The following ARID4A variants were observed in gnomAD, a reference collection of about 807,000 sequenced individuals.
The protein encoded by ARID4A is AT-rich interaction domain 4A.
ARID4A carries 39 observed loss-of-function variants against 148.6 expected under a neutral mutation model. The observed-to-expected ratio is 0.26, with a 90% CI of 0.20 to 0.34. The LOEUF is 0.34. Ranked by LOEUF, ARID4A falls within the 10% of genes least tolerant of loss-of-function variation. ARID4A has a pLI of 1.00. For synonymous variants in ARID4A, 475 were observed against 481.2 expected (o/e 0.99, Z 0.17); for missense variants, 1,265 against 1,449.1 (o/e 0.87, Z 2.06).
At chr14:58,340,703 T>C (rs2034074962) in intron 11 of ARID4A, among the ~76,000 whole-genome samples, 1 of 152,100 alleles carries the variant, frequency 6.6e-6, no homozygotes, top group African/African-American at 2.4e-5. Context: ...CAGGCTGGTC[T>C]CGAACTCCTG....
At chr14:58,316,860 G>A (rs1053873607) in intron 5 of ARID4A, among the ~76,000 whole-genome samples, 1 of 151,864 alleles carries the variant, frequency 6.6e-6, no homozygotes, top group Admixed American at 6.6e-5. Flanking sequence ...GATTACAGGC[G>A]GGAGTCACCG....
intron 5 of ARID4A, among the ~76,000 whole-genome samples, chr14:58,317,545 CT>C (rs1327668781): frequency 6.6e-6 from 1 of 151,324 alleles, no homozygotes. Context: ...CCCACCTCGC[CT>C]CCCAAAGTGC....
chr14:58,343,137 A>G (rs903006140), intron 11 of ARID4A, among the ~76,000 whole-genome samples: 5 of 152,208 alleles, frequency 3.3e-5, no homozygotes, highest in Admixed American at 6.5e-5. Context: ...TAAAAGCAAG[A>G]TTTTTAAATT....
intron 12 of ARID4A, among the ~76,000 whole-genome samples, chr14:58,345,546 G>T (rs984720083): frequency 8.6e-5 from 13 of 151,904 alleles, no homozygotes; most frequent in Admixed American, 8.5e-4. Context: ...CATACTCCTT[G>T]CCATTTGTTA....
Position 58,330,182 on chromosome 14 carries a change from T to G in ARID4A, c.906+13T>G. On this transcript the variant is annotated intron_variant, in intron 11 of 23. Coordinates refer to ENST00000355431, the MANE Select transcript of ARID4A (RefSeq NM_002892.4). Reference sequence around the variant, plus strand: ...AGAAGAAGAGGTGGTAGGTGTAATTTCATGTTTGTAACAAAAACATCTTAA... The same window carrying G: ...AGAAGAAGAGGTGGTAGGTGTAATTGCATGTTTGTAACAAAAACATCTTAA... 1 of 1,603,046 alleles carries G rather than the reference T, an allele frequency of 6.2e-7. No individual in the cohort carries two copies. The highest frequency in any genetic ancestry group is 8.5e-7 in the Non-Finnish European group (1 of 1,177,464).
chr14:58,351,472 T>C (rs2034635902), intron 16 of ARID4A, 149 bp downstream of exon 16: 1 of 1,039,116 alleles, frequency 9.6e-7, no homozygotes, highest in Non-Finnish European at 1.4e-6. Context: ...ATTGTGAAGA[T>C]GATGTGTATT....
chr14:58,303,399 G>C (rs991167092), intron 3 of ARID4A: 7 of 389,164 alleles, frequency 1.8e-5, no homozygotes, highest in African/African-American at 1.4e-4. Context: ...AGTCCTCCTT[G>C]ATACGACTCC....
At position 58,351,135 on chromosome 14, in the gene ARID4A, A is replaced by G; in HGVS notation, c.1467A>G (p.Thr489=). ...AAAAGGAAATTGAAGAAGAGAAAACAGAAGACAAATTAAAAGATAATGATA... is the reference window on the plus strand; with the variant it reads ...AAAAGGAAATTGAAGAAGAGAAAACGGAAGACAAATTAAAAGATAATGATA... ...SIKKEIEEEK[T]EDKLKDNDTE... Residue 489 remains threonine (T), a synonymous_variant, in exon 16 of 24, where the codon ACA becomes ACG. Transcript: ENST00000355431. 1 of 1,607,436 alleles carries G rather than the reference A, an allele frequency of 6.2e-7. No homozygotes were observed. Among genetic ancestry groups the G allele is most frequent in the South Asian group, 1.1e-5 (1 of 88,800 alleles).
rs1594959403 is a variant in ARID4A, at chr14:58,360,939, G to A, written c.1977G>A (p.Glu659=). 1.9e-6 allele frequency: 3 copies of A among 1,614,126 alleles called. No homozygotes were observed. The highest frequency in any genetic ancestry group is 1.7e-4 in the Middle Eastern group (1 of 6,060). Reference sequence around the variant, plus strand: ...GTGAAAAGGACGAAAAGAGAGATGAGGAGAGGCAGAAGTCAAAACGGGGAC... The same window carrying A: ...GTGAAAAGGACGAAAAGAGAGATGAAGAGAGGCAGAAGTCAAAACGGGGAC... The part of the protein sequence containing the change: ...EDSEKDEKRD[E]ERQKSKRGRP... The change falls in exon 19 of 24, where the codon GAG becomes GAA. Residue 659 remains glutamate (E), a synonymous_variant. Transcript: ENST00000355431.
At chr14:58,365,488 T>TTTTAAAAA in intron 20 of ARID4A, 30 bp from the exon 21 acceptor site, 4 of 1,135,262 alleles carry the variant, frequency 3.5e-6, no homozygotes, top group Non-Finnish European at 4.9e-6. Context: ...TTTTTTTTTT[T>TTTTAAAAA]TCAACATTCT....
chr14:58,317,860 A>G (rs2032573569), intron 5 of ARID4A, among the ~76,000 whole-genome samples: 1 of 151,910 alleles, frequency 6.6e-6, no homozygotes, highest in Non-Finnish European at 1.5e-5. Flanking sequence ...TCAGCTGGGT[A>G]CAGTGGTTGA....
chr14:58,357,583 A>G (rs2034937149), intron 17 of ARID4A, among the ~76,000 whole-genome samples: 1 of 151,488 alleles, frequency 6.6e-6, no homozygotes, highest in Admixed American at 6.6e-5. Flanking sequence ...AAACTTTCTT[A>G]AAACATGAGT....
At chr14:58,307,140 G>T (rs1049791712) in intron 5 of ARID4A, among the ~76,000 whole-genome samples, 1 of 152,174 alleles carries the variant, frequency 6.6e-6, no homozygotes, top group African/African-American at 2.4e-5. Flanking sequence ...CAATCCTGTG[G>T]ATAACATCCA....
At chr14:58,365,995 T>G (rs1566727149) in intron 21 of ARID4A, 29 bp from the exon 22 acceptor site, 1 of 1,532,090 alleles carries the variant, frequency 6.5e-7, no homozygotes, top group Non-Finnish European at 8.9e-7. Context: ...TTATTTATAA[T>G]CTGAGTCAAT....
chr14:58,341,716 A>T (rs768399219), intron 11 of ARID4A, among the ~76,000 whole-genome samples: 2 of 152,236 alleles, frequency 1.3e-5, no homozygotes, highest in African/African-American at 2.4e-5. Flanking sequence ...TTCACAATCT[A>T]GTAGTGTAGA....
At chr14:58,354,988 A>T (rs1299799769) in intron 17 of ARID4A, among the ~76,000 whole-genome samples, 1 of 152,146 alleles carries the variant, frequency 6.6e-6, no homozygotes, top group Non-Finnish European at 1.5e-5. Context: ...TCTGATGTTG[A>T]TGCTCTTTGA....
At chr14:58,337,972 A>G (rs1342695930) in intron 11 of ARID4A, among the ~76,000 whole-genome samples, 1 of 152,064 alleles carries the variant, frequency 6.6e-6, no homozygotes, top group Admixed American at 6.6e-5. Context: ...CCCTTCCATT[A>G]TTCTTCCATG....
In ARID4A at chr14:58,364,703, G is replaced by C; in HGVS notation, c.2614G>C (p.Glu872Gln). The C allele has an allele frequency of 6.2e-7, 1 of 1,613,868 alleles. No individual in the cohort carries two copies. Among genetic ancestry groups the C allele is most frequent in the Non-Finnish European group, 8.5e-7 (1 of 1,179,932 alleles). The change falls in exon 20 of 24, where the codon GAG becomes CAG. Residue 872 changes from glutamate to glutamine, a missense_variant. Glu to Gln is a conservative substitution (Grantham distance 29). This residue lies in a region of ARID4A where 666 missense variants were observed against 730.9 expected (regional missense o/e 0.91). Transcript: ENST00000355431. ...ATCGCCAGAGAAAAAAATAAGAATT[G>C]AGAATGGAATGGAAATGACAAATAC... ...QSSPEKKIRI[E>Q]NGMEMTNTVS...
intron 11 of ARID4A, among the ~76,000 whole-genome samples, chr14:58,332,003 C>A (rs1036934959): frequency 6.8e-6 from 1 of 147,092 alleles, no homozygotes; most frequent in African/African-American, 2.5e-5. Flanking sequence ...CTACCCCCCC[C>A]CCCCCAAAAA....
Sources: allele counts gnomAD v4.1 joint callset (sites outside exome capture counted in the v4.1 genomes callset), GRCh38; gene constraint gnomAD v4.1.1; regional missense constraint gnomAD v4.1.1; transcripts MANE v1.5; gene names NCBI Gene and HGNC (gene_info 2026-07-23, HGNC 2026-07-21).